Variants in WDPCP observed in about 807,000 individuals in gnomAD.
The protein encoded by WDPCP is WD repeat containing planar cell polarity effector.
Under a neutral mutation model 93.1 loss-of-function variants are expected in WDPCP, and 71 were observed. The ratio of observed to expected loss-of-function variants is 0.76; its 90% confidence interval spans 0.63 to 0.93. The LOEUF (loss-of-function observed/expected upper bound fraction) is 0.93, where lower values mean the gene tolerates loss of function less well. Ranked by LOEUF, WDPCP falls within the 40% of genes least tolerant of loss-of-function variation. WDPCP has a pLI of 0.00. For synonymous variants in WDPCP, 315 were observed against 315.0 expected, an observed-to-expected ratio of 1.00 and a Z score of 0.00; for missense variants, 844 against 887.4, an observed-to-expected ratio of 0.95 and a Z score of 0.62.
At chr2:63,384,860 G>A (rs1692602280) in intron 10 of WDPCP, among the ~76,000 whole-genome samples, 1 of 151,660 alleles carries the variant, frequency 6.6e-6, no homozygotes, top group Non-Finnish European at 1.5e-5. Flanking sequence ...CAAAAATGAA[G>A]ATATTACAAG....
At chr2:63,198,498 A>T (rs2104304186) in intron 14 of WDPCP, among the ~76,000 whole-genome samples, 1 of 152,242 alleles carries the variant, frequency 6.6e-6, no homozygotes, top group East Asian at 1.9e-4. Flanking sequence ...TAACTTTGGG[A>T]GGGGTGATCC....
chr2:63,741,226 A>C (rs57844293), intron 2 of WDPCP, among the ~76,000 whole-genome samples: 7,654 of 152,158 alleles, frequency 0.05, 348 homozygotes, highest in African/African-American at 0.11. Flanking sequence ...AAATACTGAG[A>C]CAAAGCACTT....
chr2:63,690,773 A>G (rs952242496), intron 2 of WDPCP, among the ~76,000 whole-genome samples: 1 of 152,062 alleles, frequency 6.6e-6, no homozygotes, highest in African/African-American at 2.4e-5. Context: ...CAAACAAACA[A>G]AAACCCACAA....
intron 14 of WDPCP, among the ~76,000 whole-genome samples, chr2:63,241,909 G>A (rs892105154): frequency 4.6e-5 from 7 of 152,188 alleles, no homozygotes; most frequent in Admixed American, 2.6e-4. Flanking sequence ...TGACTTTAAT[G>A]CCATTTTAGG....
At chr2:63,700,282 C>CAAAAAAAAAAAA (rs1196006011) in intron 2 of WDPCP, among the ~76,000 whole-genome samples, 4 of 41,560 alleles carry the variant, frequency 9.6e-5, no homozygotes, top group Non-Finnish European at 1.3e-4. Flanking sequence ...GACCCTGTCT[C>CAAAAAAAAAAAA]AAAAAAAAAA....
intron 13 of WDPCP, among the ~76,000 whole-genome samples, chr2:63,259,790 C>A (rs1172191156): frequency 6.6e-6 from 1 of 152,102 alleles, no homozygotes; most frequent in African/African-American, 2.4e-5. Context: ...ACAAGGGATA[C>A]TAAACAGATT....
At chr2:63,373,064 G>A (rs1204427956) in intron 12 of WDPCP, among the ~76,000 whole-genome samples, 7 of 151,742 alleles carry the variant, frequency 4.6e-5, no homozygotes, top group African/African-American at 4.8e-5. Context: ...CGGAGGTTGC[G>A]GTGAGCCAAG....
chr2:63,170,997 A>G (rs1397073228), intron 15 of WDPCP, among the ~76,000 whole-genome samples: 1 of 152,046 alleles, frequency 6.6e-6, no homozygotes, highest in Non-Finnish European at 1.5e-5. Context: ...TCAAAAAAAT[A>G]CTGGGGAAAC....
chr2:63,332,196 G>T (rs910322373), intron 12 of WDPCP, among the ~76,000 whole-genome samples: 18 of 151,394 alleles, frequency 1.2e-4, no homozygotes, highest in African/African-American at 3.9e-4. Context: ...AGAATGGTTA[G>T]AATGTATAAA....
intron 9 of WDPCP, among the ~76,000 whole-genome samples, chr2:63,427,131 A>T (rs1696384512): frequency 6.6e-6 from 1 of 152,202 alleles, no homozygotes; most frequent in Non-Finnish European, 1.5e-5. Context: ...TAGCCGCACA[A>T]TAATAGAGAG....
chr2:63,540,607 CGT>C (rs1704635872), intron 1 of WDPCP, among the ~76,000 whole-genome samples: 1 of 152,128 alleles, frequency 6.6e-6, no homozygotes, highest in South Asian at 2.1e-4. Flanking sequence ...TGTTTATAAA[CGT>C]GTCTCTGTAT....
At chr2:63,636,892 C>G (rs1287778700) in intron 3 of WDPCP, among the ~76,000 whole-genome samples, 1 of 152,088 alleles carries the variant, frequency 6.6e-6, no homozygotes, top group East Asian at 1.9e-4. Flanking sequence ...AACTGTATCC[C>G]CACTTTACAT....
chr2:63,456,456 G>T (rs1289415845), intron 6 of WDPCP, among the ~76,000 whole-genome samples: 1 of 151,944 alleles, frequency 6.6e-6, no homozygotes, highest in Non-Finnish European at 1.5e-5. Context: ...ATAAATAAAT[G>T]CAAATGGAAA....
At chr2:63,127,712 T>C (rs1238430048) in intron 17 of WDPCP, among the ~76,000 whole-genome samples, 1 of 149,298 alleles carries the variant, frequency 6.7e-6, no homozygotes, top group African/African-American at 2.5e-5. Flanking sequence ...CACACACATA[T>C]ATATATGCAC....
chr2:63,820,015 G>C (rs1670995534), intron 1 of WDPCP, among the ~76,000 whole-genome samples: 1 of 152,170 alleles, frequency 6.6e-6, no homozygotes, highest in South Asian at 2.1e-4. Context: ...TGTGGGAAGA[G>C]AGAGATCAGG....
At chr2:63,730,318 C>T (rs1265911570) in intron 2 of WDPCP, among the ~76,000 whole-genome samples, 1 of 152,044 alleles carries the variant, frequency 6.6e-6, no homozygotes, top group Non-Finnish European at 1.5e-5. Context: ...CTCCAAAAAC[C>T]CACAGGGAGG....
At chr2:63,320,228 C>CAAAG (rs1216393373) in intron 12 of WDPCP, among the ~76,000 whole-genome samples, 2 of 152,044 alleles carry the variant, frequency 1.3e-5, no homozygotes, top group African/African-American at 4.8e-5. Context: ...TTATATGCAG[C>CAAAG]AAAGACTCTT....
chr2:63,166,408 G>A (rs1325133864), intron 15 of WDPCP, among the ~76,000 whole-genome samples: 1 of 149,652 alleles, frequency 6.7e-6, no homozygotes, highest in Non-Finnish European at 1.5e-5. Context: ...TATATTTATG[G>A]GGTACATGAA....
chr2:63,804,230 T>C (rs1325262949), intron 2 of WDPCP, among the ~76,000 whole-genome samples: 1 of 151,548 alleles, frequency 6.6e-6, no homozygotes, highest in African/African-American at 2.4e-5. Context: ...AGAAATGCCC[T>C]GAAGAACAAA....
Sources: allele counts gnomAD v4.1 joint callset (sites outside exome capture counted in the v4.1 genomes callset), GRCh38; gene constraint gnomAD v4.1.1; transcripts MANE v1.5; gene names NCBI Gene and HGNC (gene_info 2026-07-23, HGNC 2026-07-21).